Variants in CACNA2D1 observed in about 807,000 individuals in gnomAD.
CACNA2D1 encodes calcium voltage-gated channel auxiliary subunit alpha2delta 1.
Under a neutral mutation model 171.5 loss-of-function variants are expected in CACNA2D1, and 53 were observed. The ratio of observed to expected loss-of-function variants is 0.31; its 90% CI spans 0.25 to 0.39. The LOEUF (loss-of-function observed/expected upper bound fraction) is 0.39. CACNA2D1 is among the 10% of genes least tolerant of loss of function. The pLI is 1.00. For missense variants in CACNA2D1, 903 were observed against 1,299.8 expected (o/e 0.69, Z 4.69); for synonymous variants, 442 against 443.1 (o/e 1.00, Z 0.03).
intron 3 of CACNA2D1, among the ~76,000 whole-genome samples, chr7:82,195,241 A>G (rs1798730572): frequency 6.6e-6 from 1 of 151,828 alleles, no homozygotes; most frequent in African/African-American, 2.4e-5. Flanking sequence ...GACCATCACT[A>G]TCTGGGTTGA....
intron 4 of CACNA2D1, among the ~76,000 whole-genome samples, chr7:82,140,196 A>G (rs1355163870): frequency 1.3e-5 from 2 of 152,150 alleles, no homozygotes; most frequent in African/African-American, 4.8e-5. Context: ...AAACAACAAA[A>G]TGAGAAAGCA....
intron 3 of CACNA2D1, among the ~76,000 whole-genome samples, chr7:82,226,031 T>G (rs548991335): frequency 6.6e-6 from 1 of 152,138 alleles, no homozygotes; most frequent in Non-Finnish European, 1.5e-5. Flanking sequence ...TTTTAATTAT[T>G]TTTTTTGAAA....
At chr7:82,328,109 C>T (rs12672837) in intron 3 of CACNA2D1, among the ~76,000 whole-genome samples, 23,696 of 152,082 alleles carry the variant, frequency 0.16, 2,010 homozygotes, top group South Asian at 0.28. Context: ...CTTAGCACTT[C>T]CCTTTTAACA....
At chr7:82,019,810 T>C (rs927300203) in intron 12 of CACNA2D1, among the ~76,000 whole-genome samples, 4 of 152,100 alleles carry the variant, frequency 2.6e-5, no homozygotes, top group African/African-American at 4.8e-5. Context: ...AATTAGTCTA[T>C]GAAGAAAGCC....
At chr7:82,292,000 C>G (rs575285112) in intron 3 of CACNA2D1, among the ~76,000 whole-genome samples, 1 of 149,922 alleles carries the variant, frequency 6.7e-6, no homozygotes, top group Admixed American at 6.7e-5. Context: ...CACACATGCA[C>G]GCACACACAC....
chr7:81,959,613 TCAGAG>T, intron 37 of CACNA2D1, 102 bp downstream of exon 37: 1 of 1,233,956 alleles, frequency 8.1e-7, no homozygotes, highest in Non-Finnish European at 1.2e-6. Flanking sequence ...TGCGAGGTGA[TCAGAG>T]CAGTCTAATA....
chr7:82,440,817 A>AT (rs1173759762), intron 1 of CACNA2D1, among the ~76,000 whole-genome samples: 6 of 151,656 alleles, frequency 4.0e-5, no homozygotes. Flanking sequence ...AACACTCTAT[A>AT]TTTTTAAAAA....
intron 6 of CACNA2D1, 96 bp downstream of exon 6, chr7:82,116,948 T>C: frequency 7.7e-7 from 1 of 1,302,122 alleles, no homozygotes; most frequent in Non-Finnish European, 1.1e-6. Flanking sequence ...AACAAAACAA[T>C]GTCACATTTG....
chr7:82,201,513 T>C (rs764935713), intron 3 of CACNA2D1, among the ~76,000 whole-genome samples: 2 of 152,126 alleles, frequency 1.3e-5, no homozygotes, highest in African/African-American at 4.8e-5. Context: ...CGACACTAAG[T>C]GTTGGACAAT....
At chr7:82,098,124 C>T (rs769847577) in intron 6 of CACNA2D1, among the ~76,000 whole-genome samples, 3 of 151,364 alleles carry the variant, frequency 2.0e-5, no homozygotes, top group African/African-American at 4.9e-5. Flanking sequence ...AGCAAGACTT[C>T]GTCTAAAAAA....
At chr7:81,967,569 C>A in intron 30 of CACNA2D1, 27 bp downstream of exon 30, 1 of 1,231,860 alleles carries the variant, frequency 8.1e-7, no homozygotes, top group East Asian at 2.4e-5. Context: ...TTAAACATAG[C>A]ATAAGAATTT....
chr7:82,124,090 C>T (rs1176101380), intron 5 of CACNA2D1, among the ~76,000 whole-genome samples: 1 of 152,036 alleles, frequency 6.6e-6, no homozygotes, highest in Non-Finnish European at 1.5e-5. Context: ...GTATGCCATC[C>T]TATTCAAGGA....
intron 2 of CACNA2D1, among the ~76,000 whole-genome samples, chr7:82,344,189 C>T (rs1482894593): frequency 6.6e-6 from 1 of 152,210 alleles, no homozygotes; most frequent in Non-Finnish European, 1.5e-5. Context: ...GCAACCACCC[C>T]ATGGCCCCAG....
At chr7:82,109,423 A>G (rs760759873) in intron 6 of CACNA2D1, among the ~76,000 whole-genome samples, 1 of 152,142 alleles carries the variant, frequency 6.6e-6, no homozygotes, top group African/African-American at 2.4e-5. Context: ...TCATCTGAGC[A>G]CTAGATATGT....
chr7:82,034,988 A>G (rs1264021974), intron 11 of CACNA2D1, among the ~76,000 whole-genome samples: 1 of 152,132 alleles, frequency 6.6e-6, no homozygotes, highest in East Asian at 1.9e-4. Context: ...ACATAATAGC[A>G]AATTTTCCAT....
intron 38 of CACNA2D1, among the ~76,000 whole-genome samples, chr7:81,952,795 T>G (rs1792761593): frequency 1.3e-5 from 2 of 152,110 alleles, no homozygotes; most frequent in South Asian, 4.1e-4. Context: ...CGTTTCCTAA[T>G]AACTCACTCT....
At chr7:82,261,900 C>T (rs1375027643) in intron 3 of CACNA2D1, among the ~76,000 whole-genome samples, 1 of 152,160 alleles carries the variant, frequency 6.6e-6, no homozygotes, top group Non-Finnish European at 1.5e-5. Context: ...GACTACAAAG[C>T]ATGTGATGTT....
At chr7:82,320,069 AT>A (rs3839792) in intron 3 of CACNA2D1, among the ~76,000 whole-genome samples, 70 of 148,348 alleles carry the variant, frequency 4.7e-4, no homozygotes, top group South Asian at 8.5e-4. Context: ...TCTGAGGCTG[AT>A]TTTTTTTTTT....
At chr7:81,993,992 ATAT>A (rs1797805715) in intron 20 of CACNA2D1, among the ~76,000 whole-genome samples, 1 of 152,110 alleles carries the variant, frequency 6.6e-6, no homozygotes, top group African/African-American at 2.4e-5. Flanking sequence ...ACTCATTATG[ATAT>A]TAAAATGAGA....
Sources: gnomAD v4.1 joint callset for allele counts (sites outside exome capture counted in the v4.1 genomes callset) on GRCh38, gnomAD v4.1.1 for gene constraint, MANE v1.5 for transcripts, NCBI Gene and HGNC (gene_info 2026-07-23, HGNC 2026-07-21) for gene names.